The following GALNT18 variants were observed in gnomAD, a reference collection of about 807,000 sequenced individuals.
GALNT18 encodes GalNAc-transferase 18.
GALNT18 carries 44 observed loss-of-function variants against 69.5 expected under a neutral mutation model. That is an observed-to-expected ratio of 0.63 (90% confidence interval 0.50 to 0.81). The LOEUF (loss-of-function observed/expected upper bound fraction) is 0.81, where lower values mean the gene tolerates loss of function less well. Among genes scored for constraint, GALNT18 ranks in the 40% least tolerant of loss-of-function variants. GALNT18 has a pLI of 0.00. For missense variants in GALNT18, 715 were observed against 810.0 expected (o/e 0.88, Z 1.42); for synonymous variants, 364 against 318.2 (o/e 1.14, Z -1.53).
intron 6 of GALNT18, among the ~76,000 whole-genome samples, chr11:11,371,351 G>A (rs1850899781): frequency 6.6e-6 from 1 of 152,226 alleles, no homozygotes; most frequent in Non-Finnish European, 1.5e-5. Flanking sequence ...AGAGGTGAGA[G>A]GAGGGTGCAT....
intron 10 of GALNT18, among the ~76,000 whole-genome samples, chr11:11,285,113 G>A (rs1182821858): frequency 6.6e-6 from 1 of 151,804 alleles, no homozygotes; most frequent in Non-Finnish European, 1.5e-5. Context: ...GAGGAGGTAG[G>A]GATCCAGCCA....
At chr11:11,452,178 C>T (rs776332411) in intron 1 of GALNT18, among the ~76,000 whole-genome samples, 1 of 152,216 alleles carries the variant, frequency 6.6e-6, no homozygotes, top group African/African-American at 2.4e-5. Context: ...CCTCTCTGAA[C>T]TCTATTTAAT....
chr11:11,361,167 TG>T (rs1306584702), intron 6 of GALNT18, among the ~76,000 whole-genome samples: 1 of 152,226 alleles, frequency 6.6e-6, no homozygotes, highest in Non-Finnish European at 1.5e-5. Flanking sequence ...GATGAATGAA[TG>T]AATAAATAAT....
At position 11,402,866 on chromosome 11, in the gene GALNT18, C is replaced by T. The variant is rs377539677; in HGVS notation, c.596-23602G>A. ...GAGCCTCAGGTGTCCCCACGGGCCC[C>T]GGAGATGGTGTAATGCTTGTTTCTC... On this transcript the variant is annotated intron_variant, in intron 3 of 10. Transcript: ENST00000227756. The surrounding 1 kb of genome is among the most constrained non-coding windows in gnomAD (Gnocchi z 4.0). 1.2e-4 allele frequency among the ~76,000 whole-genome samples: 19 copies of T among 152,278 alleles called. No individual in the cohort carries two copies. The South Asian group carries it at 1.5e-3, about 12-fold the overall frequency.
chr11:11,426,196 C>G (rs1855126317), intron 3 of GALNT18, among the ~76,000 whole-genome samples: 1 of 152,146 alleles, frequency 6.6e-6, no homozygotes, highest in Admixed American at 6.5e-5. Context: ...GAAGTGAGTT[C>G]AGGCCAGGAA....
chr11:11,342,864 C>T (rs1346249718), intron 6 of GALNT18, among the ~76,000 whole-genome samples: 1 of 152,186 alleles, frequency 6.6e-6, no homozygotes, highest in Admixed American at 6.5e-5. Context: ...ATCATGAGTA[C>T]CTATCTATCT....
chr11:11,376,415 C>G (rs1238808407), intron 5 of GALNT18, among the ~76,000 whole-genome samples: 3 of 152,002 alleles, frequency 2.0e-5, no homozygotes, highest in Admixed American at 6.5e-5. Flanking sequence ...GAAATAAAAA[C>G]TAGTGGGGAC....
chr11:11,316,608 A>G (rs1849760104), intron 9 of GALNT18, among the ~76,000 whole-genome samples: 1 of 152,252 alleles, frequency 6.6e-6, no homozygotes, highest in South Asian at 2.1e-4. Flanking sequence ...CAAAAACGTC[A>G]GAAGGAATTA....
At chr11:11,408,057 A>C (rs1375841285) in intron 3 of GALNT18, among the ~76,000 whole-genome samples, 1 of 152,152 alleles carries the variant, frequency 6.6e-6, no homozygotes, top group Non-Finnish European at 1.5e-5. Context: ...TAATCAGAAA[A>C]CCATACATTA....
rs750272887 is a variant in GALNT18, at chr11:11,340,989, C to T, written c.1108G>A (p.Gly370Arg). ...GAGCAGGGCAGGACCTCCACACTCCCGCCACACTGCCACACCTGCAGAAGA... is the reference window on the plus strand; with the variant it reads ...GAGCAGGGCAGGACCTCCACACTCCTGCCACACTGCCACACCTGCAGAAGA... ...ELGIRVWQCGGSVEVLPCSRI... is the reference protein window; with the variant it reads ...ELGIRVWQCGRSVEVLPCSRI... Residue 370 changes from glycine (G) to arginine (R), a missense_variant, in exon 7 of 11, where the codon GGG becomes AGG. Transcript: ENST00000227756. The surrounding 1 kb of genome is among the most constrained non-coding windows in gnomAD (Gnocchi z 4.2). 26 of 1,601,694 alleles carry T rather than the reference C, an allele frequency of 1.6e-5. No individual in the cohort carries two copies. The highest frequency in any genetic ancestry group is 4.5e-5 in the South Asian group (4 of 89,582).
chr11:11,326,371 C>A (rs1849919316), intron 9 of GALNT18, among the ~76,000 whole-genome samples: 1 of 152,150 alleles, frequency 6.6e-6, no homozygotes, highest in Admixed American at 6.5e-5. Flanking sequence ...TCATTGTGTA[C>A]TTCTGGAGAT....
chr11:11,576,010 G>C (rs1167932334), intron 1 of GALNT18, among the ~76,000 whole-genome samples: 3 of 152,228 alleles, frequency 2.0e-5, no homozygotes, highest in East Asian at 3.8e-4. Context: ...CTGGTTCAGA[G>C]AGGTGCAGCA....
At chr11:11,407,991 C>T (rs1854630977) in intron 3 of GALNT18, among the ~76,000 whole-genome samples, 1 of 152,172 alleles carries the variant, frequency 6.6e-6, no homozygotes, top group African/African-American at 2.4e-5. Context: ...AGATGTAGCC[C>T]TCTCCCTGAG....
chr11:11,532,213 G>A (rs952424825), intron 1 of GALNT18, among the ~76,000 whole-genome samples: 7 of 152,136 alleles, frequency 4.6e-5, no homozygotes, highest in South Asian at 2.1e-4. Flanking sequence ...GAAGAGGAAG[G>A]GAGCGGAGAG....
chr11:11,281,521 A>G (rs1298369980), intron 10 of GALNT18, among the ~76,000 whole-genome samples: 1 of 152,192 alleles, frequency 6.6e-6, no homozygotes, highest in East Asian at 1.9e-4. Flanking sequence ...CCTTGCCAAC[A>G]GCGAGGTGCT....
rs1265148835 is a variant in GALNT18 at position 11,291,018 on chromosome 11, CCTAA to C, written c.1677+2007_1677+2010del. On this transcript the variant is annotated intron_variant, in intron 10 of 10. Transcript: ENST00000227756. ...ACAGCCATCCTTCACTGGGCATATA[CCTAA>C]CTGTCCTTCCACACCACACACCCCA... Among the ~76,000 whole-genome samples, 9 of 152,326 alleles carry C rather than the reference CCTAA, an allele frequency of 5.9e-5. No homozygotes were observed. In the South Asian group the frequency reaches 1.9e-3, roughly 32 times the overall value.
At chr11:11,476,956 G>A (rs1198136676) in intron 1 of GALNT18, among the ~76,000 whole-genome samples, 2 of 152,220 alleles carry the variant, frequency 1.3e-5, no homozygotes. Flanking sequence ...AAGATTAAGA[G>A]GGTCTATGAA....
At chr11:11,272,754 C>G (rs1220873128) in intron 10 of GALNT18, among the ~76,000 whole-genome samples, 1 of 151,658 alleles carries the variant, frequency 6.6e-6, no homozygotes, top group African/African-American at 2.4e-5. Context: ...ACCTCCACTT[C>G]CACCTCCTCA....
In GALNT18 at chr11:11,402,476, T is replaced by C. The variant is rs142950826; in HGVS notation, c.596-23212A>G. On this transcript the variant is annotated intron_variant, in intron 3 of 10. Coordinates refer to ENST00000227756, the MANE Select transcript of GALNT18 (RefSeq NM_198516.3). The surrounding 1 kb of genome is among the most constrained non-coding windows in gnomAD (Gnocchi z 4.0). ...CTGCTGCCATGCTGGGCAGAACTTT[T>C]CAGCAACAAAAAGCAAAATGATGAG... is the stretch of plus-strand genomic sequence containing the variant. Among the ~76,000 whole-genome samples, 1 of 152,364 alleles carries C rather than the reference T, an allele frequency of 6.6e-6. No individual in the cohort carries two copies. The highest frequency in any genetic ancestry group is 1.9e-4 in the East Asian group (1 of 5,182).
Sources: allele counts gnomAD v4.1 joint callset (sites outside exome capture counted in the v4.1 genomes callset), GRCh38; gene constraint gnomAD v4.1.1; non-coding constraint Gnocchi (gnomAD v3.1); transcripts MANE v1.5; gene names NCBI Gene and HGNC (gene_info 2026-07-23, HGNC 2026-07-21).